ADGRG7: variants seen among roughly 807,000 people sequenced by gnomAD.
ADGRG7 encodes the protein adhesion G protein-coupled receptor G7, also known as G-protein coupled receptor 128.
In ADGRG7, 82 loss-of-function variants were observed where a neutral mutation model predicts 88.6. The ratio of observed to expected loss-of-function variants is 0.93; its 90% CI spans 0.77 to 1.11. The LOEUF (loss-of-function observed/expected upper bound fraction) is 1.11, where lower values mean the gene tolerates loss of function less well. Among genes scored for constraint, ADGRG7 ranks in the 50% most tolerant of loss-of-function variants. ADGRG7 has a pLI of 0.00. For missense variants in ADGRG7, 945 were observed against 953.4 expected, an observed-to-expected ratio of 0.99 and a Z score of 0.12; for synonymous variants, 381 against 345.2, an observed-to-expected ratio of 1.10 and a Z score of -1.15.
At position 100,643,382 on chromosome 3, in the gene ADGRG7, A is replaced by G. The variant is rs1437343816; in HGVS notation, c.815A>G (p.Asn272Ser). 1 of 1,614,048 alleles carries G rather than the reference A, an allele frequency of 6.2e-7. No homozygotes were observed. The highest frequency in any genetic ancestry group is 8.5e-7 in the Non-Finnish European group (1 of 1,179,932). The change falls in exon 7 of 16, where the codon AAT becomes AGT. Residue 272 changes from asparagine (N) to serine (S), a missense_variant. Asn to Ser is a conservative substitution (Grantham distance 46). Transcript: ENST00000273352. ...FSSENAVGPS[N>S]VRFSVQKGAS... is the part of the protein sequence containing the mutation. The stretch of plus-strand genomic sequence containing the variant: ...TCAGAAAATGCGGTGGGGCCTTCAA[A>G]TGTTCGCTTCTCTGTGCAGAAAGGT...
intron 15 of ADGRG7, among the ~76,000 whole-genome samples, chr3:100,673,115 G>A (rs895195126): frequency 2.0e-5 from 3 of 152,106 alleles, no homozygotes; most frequent in African/African-American, 7.2e-5. Flanking sequence ...CAATTGTTTG[G>A]AATAGTTTTA....
At chr3:100,621,993 A>G (rs1707317124) in intron 1 of ADGRG7, among the ~76,000 whole-genome samples, 1 of 152,182 alleles carries the variant, frequency 6.6e-6, no homozygotes, top group Non-Finnish European at 1.5e-5. Context: ...CGAGCGTGCA[A>G]CCTACATCTC....
intron 14 of ADGRG7, among the ~76,000 whole-genome samples, chr3:100,664,439 C>G (rs1286926631): frequency 1.3e-5 from 2 of 152,106 alleles, no homozygotes; most frequent in Admixed American, 6.5e-5. Context: ...GGTCATAATT[C>G]TATCATAAAA....
intron 1 of ADGRG7, among the ~76,000 whole-genome samples, chr3:100,611,812 T>C (rs1409734838): frequency 6.6e-6 from 1 of 152,212 alleles, no homozygotes; most frequent in Non-Finnish European, 1.5e-5. Flanking sequence ...TTGTACATTT[T>C]ATTGAGAGTG....
In ADGRG7 at chr3:100,652,087, A is replaced by G. The variant is rs2094930199; in HGVS notation, c.1379+2280A>G. Reference sequence around the variant, plus strand: ...AAATCACCTCTTCTTCCTGTGGATTATAATTGATAAAATTAGATAAAAACT... The same window carrying G: ...AAATCACCTCTTCTTCCTGTGGATTGTAATTGATAAAATTAGATAAAAACT... On this transcript the variant is annotated intron_variant, in intron 11 of 15. Coordinates refer to ENST00000273352, the MANE Select transcript of ADGRG7 (RefSeq NM_032787.3). Among the ~76,000 whole-genome samples the G allele has an allele frequency of 2.0e-5, 3 of 152,194 alleles. No individual in the cohort carries two copies. The South Asian group carries it at 6.2e-4, about 32-fold the overall frequency.
intron 6 of ADGRG7, among the ~76,000 whole-genome samples, chr3:100,642,776 C>A (rs1707665919): frequency 6.6e-6 from 1 of 152,200 alleles, no homozygotes; most frequent in Non-Finnish European, 1.5e-5. Context: ...GAGCTCAGAG[C>A]TCTGCTCTTT....
chr3:100,676,169 G>A (rs868185674), intron 15 of ADGRG7, among the ~76,000 whole-genome samples: 12 of 151,566 alleles, frequency 7.9e-5, no homozygotes, highest in Non-Finnish European at 1.5e-5. Context: ...TGCTTTTCCA[G>A]TTCCTTAAGA....
At chr3:100,611,296 C>CTTCT (rs1707149072) in intron 1 of ADGRG7, among the ~76,000 whole-genome samples, 20 of 123,184 alleles carry the variant, frequency 1.6e-4, no homozygotes, top group East Asian at 7.0e-4. Context: ...TCCTTCCTTC[C>CTTCT]TTCCTTTCTT....
intron 1 of ADGRG7, among the ~76,000 whole-genome samples, chr3:100,628,103 C>T (rs1299936000): frequency 2.0e-5 from 3 of 152,200 alleles, no homozygotes; most frequent in African/African-American, 7.2e-5. Flanking sequence ...AAAGAGTTTC[C>T]TGTCATACCT....
chr3:100,628,742 G>A (rs1399242340), intron 1 of ADGRG7, among the ~76,000 whole-genome samples: 1 of 152,084 alleles, frequency 6.6e-6, no homozygotes, highest in African/African-American at 2.4e-5. Flanking sequence ...AAAATAACTA[G>A]TCATTAGATC....
Position 100,635,779 on chromosome 3 carries a change from C to T in ADGRG7, c.550C>T (p.Arg184Ter), listed in dbSNP as rs374653172. Residue 184 changes from arginine to a stop codon, truncating the protein, a stop_gained, in exon 5 of 16, where the codon CGA becomes TGA. Coordinates refer to ENST00000273352, the MANE Select transcript of ADGRG7 (RefSeq NM_032787.3). LOFTEE classifies it high-confidence loss of function. ...LTAENITSAT[R>*]VVGQIFNTSR... is the part of the protein sequence containing the mutation. The stretch of plus-strand genomic sequence containing the variant: ...TGCTGAGAACATCACTAGTGCTACG[C>T]GAGTGGTTGGACAGATATTCAACAC... 8.1e-6 allele frequency: 13 copies of T among 1,613,616 alleles called. No individual in the cohort carries two copies. The highest frequency in any genetic ancestry group is 5.0e-5 in the Admixed American group (3 of 59,984).
In ADGRG7 at chr3:100,655,944, C is replaced by G. The variant is rs764555465; in HGVS notation, c.1772C>G (p.Ser591Cys). 6.2e-7 allele frequency: 1 copy of G among 1,609,796 alleles called. No homozygotes were observed. Among genetic ancestry groups the G allele is most frequent in the Non-Finnish European group, 8.5e-7 (1 of 1,176,374 alleles). The change falls in exon 13 of 16, where the codon TCT (serine) becomes TGT (cysteine). Residue 591 changes from serine to cysteine, a missense_variant. Transcript: ENST00000273352. ...GCTATAACAGTGGGAGTTATTTATT[C>G]TCAGAATGGAAATAATCCACAGTGG... ...VVAITVGVIY[S>C]QNGNNPQWEL...
At chr3:100,687,103 G>A (rs1281251738) in intron 15 of ADGRG7, among the ~76,000 whole-genome samples, 1 of 152,108 alleles carries the variant, frequency 6.6e-6, no homozygotes, top group Non-Finnish European at 1.5e-5. Flanking sequence ...CACATCCCTT[G>A]TACATTAGAT....
chr3:100,665,449 A>T (rs2094950524), intron 14 of ADGRG7: 3 of 536,818 alleles, frequency 5.6e-6, no homozygotes, highest in Non-Finnish European at 7.6e-6. Context: ...ATCTTCAGCA[A>T]CATCAAAACC....
intron 6 of ADGRG7, among the ~76,000 whole-genome samples, chr3:100,642,664 C>A (rs192425525): frequency 1.3e-5 from 2 of 152,196 alleles, no homozygotes; most frequent in East Asian, 3.9e-4. Context: ...GACAGGTTGC[C>A]CCCACTCCCT....
At chr3:100,611,300 CTTTCT>C (rs1292587637) in intron 1 of ADGRG7, among the ~76,000 whole-genome samples, 2 of 118,244 alleles carry the variant, frequency 1.7e-5, no homozygotes, top group African/African-American at 3.6e-5. Flanking sequence ...TCCTTCCTTC[CTTTCT>C]TCTTTCCTTC....
intron 11 of ADGRG7, among the ~76,000 whole-genome samples, chr3:100,650,128 GT>G (rs1199150815): frequency 1.3e-5 from 2 of 152,164 alleles, no homozygotes; most frequent in African/African-American, 4.8e-5. Flanking sequence ...ATTTGTATTT[GT>G]TAAGGAAAGA....
At position 100,630,793 on chromosome 3, in the gene ADGRG7, C is replaced by T. The variant is rs187509287; in HGVS notation, c.318C>T (p.Gly106=). Residue 106 remains glycine (G), a synonymous_variant, in exon 3 of 16, where the codon GGC becomes GGT. Coordinates refer to ENST00000273352, the MANE Select transcript of ADGRG7 (RefSeq NM_032787.3). The part of the protein sequence containing the change: ...GRYGPSLQTC[G]KDTPNAGNPM... ...ATGGACCATCCTTGCAAACATGTGG[C>T]AAGGATACTCCAAATGGTATGTGTT... The T allele has an allele frequency of 6.1e-6, 9 of 1,477,410 alleles. No homozygotes were observed. In the African/African-American group the frequency reaches 1.3e-4, roughly 22 times the overall value. 91.5% of individuals were successfully genotyped at this position (1,477,410 alleles called of 1,614,324 possible). A position where few individuals can be genotyped will look rare whatever the true frequency, so the allele number is the denominator to read the frequency against.
intron 1 of ADGRG7, among the ~76,000 whole-genome samples, chr3:100,627,398 C>A (rs1193731528): frequency 1.3e-5 from 2 of 152,138 alleles, no homozygotes. Context: ...AACCTTGCAT[C>A]CCTGGGATAA....
Sources: allele counts gnomAD v4.1 joint callset (sites outside exome capture counted in the v4.1 genomes callset), GRCh38; gene constraint gnomAD v4.1.1; transcripts MANE v1.5; gene names NCBI Gene and HGNC (gene_info 2026-07-23, HGNC 2026-07-21).